The following STXBP4 variants were observed in gnomAD, a reference collection of about 807,000 sequenced individuals.
STXBP4 encodes the protein syntaxin binding protein 4, also known as syntaxin-binding protein 4.
Under a neutral mutation model 76.1 loss-of-function variants are expected in STXBP4, and 55 were observed. The observed-to-expected ratio is 0.72, with a 90% CI of 0.58 to 0.91. The LOEUF (loss-of-function observed/expected upper bound fraction) is 0.91, where lower values mean the gene tolerates loss of function less well. STXBP4 is among the 40% of genes least tolerant of loss of function. STXBP4 has a pLI of 0.00. For synonymous variants in STXBP4, 201 were observed against 220.2 expected (o/e 0.91, Z 0.77); for missense variants, 618 against 636.9 (o/e 0.97, Z 0.32).
intron 16 of STXBP4, among the ~76,000 whole-genome samples, chr17:55,087,569 A>G (rs2079353516): frequency 6.6e-6 from 1 of 152,006 alleles, no homozygotes; most frequent in Non-Finnish European, 1.5e-5. Context: ...ATGTGGATTA[A>G]TTTCTGGGTT....
At chr17:55,185,326 T>TCCTCCTC in the STXBP4 span, among the ~76,000 whole-genome samples, 14 of 74,696 alleles carry the variant, frequency 1.9e-4, no homozygotes, top group East Asian at 4.6e-4. Flanking sequence ...TCCTTCTCCT[T>TCCTCCTC]CTCCTCCTCC....
At chr17:55,108,852 C>T (rs62078843) in intron 16 of STXBP4, among the ~76,000 whole-genome samples, 27 of 152,116 alleles carry the variant, frequency 1.8e-4, no homozygotes, top group African/African-American at 2.2e-4. Flanking sequence ...TGTTCCTATT[C>T]GGCCATCTTG....
intron 16 of STXBP4, among the ~76,000 whole-genome samples, chr17:55,119,452 A>G (rs2079818975): frequency 6.6e-6 from 1 of 152,030 alleles, no homozygotes; most frequent in South Asian, 2.1e-4. Flanking sequence ...GGATTATTTT[A>G]TAACCATTCT....
At chr17:55,109,692 C>A (rs929932635) in intron 16 of STXBP4, among the ~76,000 whole-genome samples, 21 of 144,722 alleles carry the variant, frequency 1.5e-4, no homozygotes, top group South Asian at 2.2e-4. Context: ...TGCAGTGGCA[C>A]AATCTCAGCT....
intron 16 of STXBP4, among the ~76,000 whole-genome samples, chr17:55,085,825 C>T (rs1468403477): frequency 6.6e-6 from 1 of 151,924 alleles, no homozygotes; most frequent in African/African-American, 2.4e-5. Flanking sequence ...TAAATATATA[C>T]TTAAAAATTT....
chr17:55,184,488 C>T, the STXBP4 span, among the ~76,000 whole-genome samples: 1 of 152,144 alleles, frequency 6.6e-6, no homozygotes, highest in African/African-American at 2.4e-5. Flanking sequence ...CCAAGGTAAC[C>T]AGTATCCTAA....
At chr17:55,150,206 C>G (rs2080199391) in intron 17 of STXBP4, among the ~76,000 whole-genome samples, 1 of 152,210 alleles carries the variant, frequency 6.6e-6, no homozygotes, top group South Asian at 2.1e-4. Flanking sequence ...CAAACCACCA[C>G]AGACATGGCT....
chr17:55,116,110 G>GA (rs2079777464), intron 16 of STXBP4, among the ~76,000 whole-genome samples: 1 of 151,746 alleles, frequency 6.6e-6, no homozygotes, highest in Admixed American at 6.6e-5. Context: ...CTCAAGAACT[G>GA]AAAAGCTTAA....
intron 1 of STXBP4, among the ~76,000 whole-genome samples, 188 bp from the exon 2 acceptor site, chr17:54,985,426 A>T (rs1340741161): frequency 1.3e-5 from 2 of 152,158 alleles, no homozygotes; most frequent in Non-Finnish European, 2.9e-5. Flanking sequence ...TCAGGAAGAG[A>T]GTTGTACTAA....
chr17:55,185,362 T>TCTCCTC, the STXBP4 span, among the ~76,000 whole-genome samples: 10 of 127,450 alleles, frequency 7.8e-5, no homozygotes, highest in South Asian at 2.8e-4. Flanking sequence ...TCCTCCTCCT[T>TCTCCTC]CTCCTTCTTC....
At chr17:55,099,981 A>G (rs565037036) in intron 16 of STXBP4, among the ~76,000 whole-genome samples, 5 of 152,278 alleles carry the variant, frequency 3.3e-5, no homozygotes, top group African/African-American at 1.2e-4. Context: ...AGTCATGACT[A>G]TGAGTGAGGA....
chr17:55,191,825 G>A, the STXBP4 span, among the ~76,000 whole-genome samples: 3 of 152,118 alleles, frequency 2.0e-5, no homozygotes, highest in African/African-American at 4.8e-5. Context: ...CAGCTTAAGA[G>A]CTCAGTCAAA....
intron 16 of STXBP4, among the ~76,000 whole-genome samples, chr17:55,108,852 C>A (rs62078843): frequency 3.7e-4 from 57 of 152,116 alleles, no homozygotes; most frequent in Non-Finnish European, 7.2e-4. Context: ...TGTTCCTATT[C>A]GGCCATCTTG....
At position 54,999,682 on chromosome 17, in the gene STXBP4, T is replaced by G. The variant is rs767494421; in HGVS notation, c.338T>G (p.Ile113Ser). Residue 113 changes from isoleucine (I) to serine (S), a missense_variant, in exon 6 of 18, where the codon ATT becomes AGT. Transcript: ENST00000376352. ...TTCATAAGACAAAAATCCGACAACA[T>G]TCAGCCAGAAAATCTGTCATGTACA... The part of the protein sequence containing the change: ...IAFIRQKSDN[I>S]QPENLSCTSL... 46 of 1,613,652 alleles carry G rather than the reference T, an allele frequency of 2.9e-5. No individual in the cohort carries two copies.
Position 55,081,179 on chromosome 17 carries a change from G to T in STXBP4, c.1485G>T (p.Met495Ile). Residue 495 changes from methionine (M) to isoleucine (I), a missense_variant, in exon 16 of 18, where the codon ATG becomes ATT. Transcript: ENST00000376352. ...AATCTGTTCGTGCCTTACTTGATAT[G>T]GATTGTAAGTTTTCTGCATTTTTTC... ...LVKSVRALLD[M>I]DCLPYGWEEA... 1 of 1,467,970 alleles carries T rather than the reference G, an allele frequency of 6.8e-7. No homozygotes were observed. The highest frequency in any genetic ancestry group is 9.0e-7 in the Non-Finnish European group (1 of 1,110,850). The allele number at this position is 1,467,970 out of a possible 1,614,324, so 90.9% of individuals were successfully genotyped here.
intron 16 of STXBP4, among the ~76,000 whole-genome samples, chr17:55,106,989 T>C (rs1028867258): frequency 1.7e-4 from 26 of 152,240 alleles, no homozygotes; most frequent in Non-Finnish European, 3.2e-4. Flanking sequence ...CCTGTCTTGC[T>C]AGGTTGGGGA....
intron 1 of STXBP4, among the ~76,000 whole-genome samples, chr17:54,982,524 A>T (rs2077564388): frequency 6.6e-6 from 1 of 152,162 alleles, no homozygotes; most frequent in African/African-American, 2.4e-5. Flanking sequence ...TTCAATGTTC[A>T]TATTTTTAGT....
In STXBP4 at chr17:55,160,760, C is replaced by T. The variant is rs950131262; in HGVS notation, c.*849C>T. The T allele has an allele frequency of 1.3e-5, 2 of 152,384 alleles. No individual in the cohort carries two copies. Among genetic ancestry groups the T allele is most frequent in the Non-Finnish European group, 2.9e-5 (2 of 68,174 alleles). The allele number at this position is 152,384 out of a possible 1,614,324, so 9.4% of individuals were successfully genotyped here. A position where few individuals can be genotyped will look rare whatever the true frequency, so the allele number is the denominator to read the frequency against. ...ACCTCTTCGGTCAAACATGGCCCCT[C>T]TATAACCCCACTATTCTTCTCCTAT... On this transcript the variant is annotated 3_prime_UTR_variant, in exon 18 of 18. Transcript: ENST00000376352.
At chr17:55,066,639 T>A (rs2079054709) in intron 12 of STXBP4, among the ~76,000 whole-genome samples, 1 of 152,212 alleles carries the variant, frequency 6.6e-6, no homozygotes, top group African/African-American at 2.4e-5. Context: ...TTTTTAGCAT[T>A]GGTATTTTCT....
Sources: gnomAD v4.1 joint callset for allele counts (sites outside exome capture counted in the v4.1 genomes callset) on GRCh38, gnomAD v4.1.1 for gene constraint, MANE v1.5 for transcripts, NCBI Gene and HGNC (gene_info 2026-07-23, HGNC 2026-07-21) for gene names.